The following TBC1D31 variants were observed in gnomAD, a reference collection of about 807,000 sequenced individuals.
TBC1D31 encodes WD repeat domain 67.
A neutral mutation model predicts 132.9 loss-of-function variants in TBC1D31; 99 were observed. That is an observed-to-expected ratio of 0.74 (90% CI 0.63 to 0.88). The LOEUF is 0.88. Ranked by LOEUF, TBC1D31 falls within the 40% of genes least tolerant of loss-of-function variation. The pLI, the probability that TBC1D31 is intolerant of heterozygous loss-of-function variation, is 0.00. For synonymous variants in TBC1D31, 385 were observed against 419.4 expected (o/e 0.92, Z 1.00); for missense variants, 1,134 against 1,256.6 (o/e 0.90, Z 1.48).
chr8:123,116,915 A>G (rs1818969178), intron 10 of TBC1D31, among the ~76,000 whole-genome samples: 1 of 152,238 alleles, frequency 6.6e-6, no homozygotes. Flanking sequence ...GGACAGTTCT[A>G]ATAAATATAG....
At chr8:123,074,287 T>C (rs1262165731) in intron 1 of TBC1D31, among the ~76,000 whole-genome samples, 2 of 147,430 alleles carry the variant, frequency 1.4e-5, no homozygotes, top group African/African-American at 5.0e-5. Flanking sequence ...CCCGAAGTAC[T>C]GGGATTACAG....
In TBC1D31 at chr8:123,118,487, C is replaced by A. The variant is rs147770339; in HGVS notation, c.1437-1568C>A. On this transcript the variant is annotated intron_variant, in intron 10 of 21. Transcript: ENST00000287380. ...AATCCCAGAGGTAATGAAGGCCTTTCTGAGTATGACATATCCAGAAGAGGT... is the reference window on the plus strand; with the variant it reads ...AATCCCAGAGGTAATGAAGGCCTTTATGAGTATGACATATCCAGAAGAGGT... 4.5e-3 allele frequency among the ~76,000 whole-genome samples: 686 copies of A among 152,242 alleles called. 23 individuals carry two copies. Among genetic ancestry groups the A allele is most frequent in the Admixed American group, 0.04 (618 of 15,282 alleles).
At position 123,095,263 on chromosome 8, in the gene TBC1D31, C is replaced by T. The variant is rs561128440; in HGVS notation, c.671+1521C>T. 8.7e-4 allele frequency among the ~76,000 whole-genome samples: 133 copies of T among 152,252 alleles called. 1 individual carries two copies. In the South Asian group the frequency reaches 9.5e-3, roughly 11 times the overall value. The stretch of plus-strand genomic sequence containing the variant: ...ATAGAACAGTTTTCTTTTGTGACGT[C>T]AGTAGCCATTAGTGATCATTCCCTA... On this transcript the variant is annotated intron_variant, in intron 5 of 21. Transcript: ENST00000287380.
At chr8:123,146,910 C>G (rs1395412029) in intron 20 of TBC1D31, among the ~76,000 whole-genome samples, 1 of 151,938 alleles carries the variant, frequency 6.6e-6, no homozygotes, top group African/African-American at 2.4e-5. Flanking sequence ...CTCCTGGCCT[C>G]GAGTGATCTG....
intron 11 of TBC1D31, among the ~76,000 whole-genome samples, chr8:123,124,864 G>A (rs1362774342): frequency 4.0e-5 from 6 of 150,468 alleles, no homozygotes; most frequent in Non-Finnish European, 4.4e-5. Context: ...TTGAACCCGG[G>A]AGGCAGAGGT....
chr8:123,162,981 C>T, the TBC1D31 span, among the ~76,000 whole-genome samples: 1 of 152,002 alleles, frequency 6.6e-6, no homozygotes, highest in Non-Finnish European at 1.5e-5. Flanking sequence ...TACAGGCGCG[C>T]CACCACACTC....
the TBC1D31 span, among the ~76,000 whole-genome samples, chr8:123,162,596 G>A: frequency 6.6e-6 from 1 of 152,170 alleles, no homozygotes; most frequent in Non-Finnish European, 1.5e-5. Context: ...AAACAGGGAT[G>A]AGCAATGTCC....
chr8:123,137,617 G>T (rs892414717), intron 17 of TBC1D31, among the ~76,000 whole-genome samples: 1 of 152,172 alleles, frequency 6.6e-6, no homozygotes, highest in Admixed American at 6.5e-5. Flanking sequence ...TGGTATCCAG[G>T]GTTTTACTGG....
At chr8:123,113,746 ATT>A (rs11331266) in intron 10 of TBC1D31, among the ~76,000 whole-genome samples, 1 of 151,982 alleles carries the variant, frequency 6.6e-6, no homozygotes, top group East Asian at 1.9e-4. Flanking sequence ...CTTCAAAGCA[ATT>A]TTTTTTGTTG....
chr8:123,142,486 A>T, intron 19 of TBC1D31, 30 bp downstream of exon 19: 2 of 1,426,274 alleles, frequency 1.4e-6, no homozygotes, highest in East Asian at 2.6e-5. Context: ...ACTTTTTAAT[A>T]TCAAGCATTG....
intron 15 of TBC1D31, among the ~76,000 whole-genome samples, chr8:123,129,478 A>G (rs1434912284): frequency 6.6e-6 from 1 of 152,254 alleles, no homozygotes; most frequent in Non-Finnish European, 1.5e-5. Context: ...CTTGAAGGAC[A>G]TTATTTAGAA....
chr8:123,096,663 G>A (rs1351205101), intron 5 of TBC1D31, among the ~76,000 whole-genome samples: 6 of 152,182 alleles, frequency 3.9e-5, no homozygotes, highest in Non-Finnish European at 8.8e-5. Context: ...ATGGCTTCTG[G>A]GACCATACCT....
At chr8:123,082,123 C>T (rs1469301722) in intron 2 of TBC1D31, among the ~76,000 whole-genome samples, 3 of 152,128 alleles carry the variant, frequency 2.0e-5, no homozygotes, top group African/African-American at 7.2e-5. Flanking sequence ...TTATTTCCTA[C>T]CCCCAAACTT....
chr8:123,131,815 A>G (rs1222447896), intron 16 of TBC1D31, among the ~76,000 whole-genome samples: 1 of 152,182 alleles, frequency 6.6e-6, no homozygotes, highest in Admixed American at 6.5e-5. Context: ...ATTGTACTGC[A>G]TCAGTCTTAA....
At chr8:123,157,836 G>T in the TBC1D31 span, among the ~76,000 whole-genome samples, 1 of 152,048 alleles carries the variant, frequency 6.6e-6, no homozygotes, top group East Asian at 1.9e-4. Flanking sequence ...GCAGCTCCTC[G>T]GCTGAGGCTG....
In TBC1D31 at chr8:123,142,419, A is replaced by C; in HGVS notation, c.2798A>C (p.Glu933Ala). 1 of 1,602,710 alleles carries C rather than the reference A, an allele frequency of 6.2e-7. No homozygotes were observed. Among genetic ancestry groups the C allele is most frequent in the Non-Finnish European group, 8.5e-7 (1 of 1,175,832 alleles). Residue 933 changes from glutamate to alanine, a missense_variant, in exon 19 of 22, where the codon GAG becomes GCG. Transcript: ENST00000287380. ...LLRENRRKEI[E>A]IINAMVEEEA... is the part of the protein sequence containing the mutation. ...AGGGAAAACAGAAGGAAAGAAATAG[A>C]GATAATAAATGCAATGGTGGAGGAG...
chr8:123,118,169 G>A (rs1819127871), intron 10 of TBC1D31, among the ~76,000 whole-genome samples: 1 of 152,204 alleles, frequency 6.6e-6, no homozygotes, highest in Non-Finnish European at 1.5e-5. Context: ...ATGTAATGTT[G>A]AATCTGGGGT....
chr8:123,145,684 T>C (rs1257469877), intron 20 of TBC1D31, among the ~76,000 whole-genome samples: 1 of 143,978 alleles, frequency 6.9e-6, no homozygotes, highest in Non-Finnish European at 1.5e-5. Flanking sequence ...GAGAAGACCC[T>C]GTCTCTTTAA....
At chr8:123,102,676 G>A (rs1817557700) in intron 7 of TBC1D31, 1 of 165,568 alleles carries the variant, frequency 6.0e-6, no homozygotes, top group Admixed American at 6.3e-5. Flanking sequence ...TCAGGGACAT[G>A]CACAGAGCAG....
Sources: gnomAD v4.1 joint callset for allele counts (sites outside exome capture counted in the v4.1 genomes callset) on GRCh38, gnomAD v4.1.1 for gene constraint, MANE v1.5 for transcripts, NCBI Gene and HGNC (gene_info 2026-07-23, HGNC 2026-07-21) for gene names.